Variants in PCP4L1 observed in about 807,000 individuals in gnomAD.
PCP4L1 encodes the protein Purkinje cell protein 4-like protein 1.
PCP4L1 carries 9 observed loss-of-function variants against 9.6 expected under a neutral mutation model. The ratio of observed to expected loss-of-function variants is 0.94; its 90% CI spans 0.57 to 1.64. PCP4L1 has a LOEUF of 1.64. Ranked by LOEUF, PCP4L1 falls within the 40% of genes most tolerant of loss-of-function variation. PCP4L1 has a pLI of 0.00. For synonymous variants in PCP4L1, 31 were observed against 28.2 expected (o/e 1.10, Z -0.31); for missense variants, 81 against 80.8 (o/e 1.00, Z -0.01).
At chr1:161,265,241 A>G (rs754085267) in intron 1 of PCP4L1, among the ~76,000 whole-genome samples, 2 of 152,162 alleles carry the variant, frequency 1.3e-5, no homozygotes, top group African/African-American at 2.4e-5. Flanking sequence ...TTGGGAAGAG[A>G]ATGGTAAGGC....
intron 1 of PCP4L1, among the ~76,000 whole-genome samples, chr1:161,275,515 C>CAAAAAAAAAAAAA (rs11302998): frequency 1.1e-5 from 1 of 91,900 alleles, no homozygotes; most frequent in African/African-American, 4.1e-5. Context: ...GACTCCGTCT[C>CAAAAAAAAAAAAA]AAAAAAAAAA....
At chr1:161,269,405 A>G (rs1453306735) in intron 1 of PCP4L1, among the ~76,000 whole-genome samples, 2 of 152,202 alleles carry the variant, frequency 1.3e-5, no homozygotes, top group Non-Finnish European at 2.9e-5. Context: ...TCCCTTTTCC[A>G]CAACCTCTGA....
chr1:161,265,786 TG>T (rs1435035999), intron 1 of PCP4L1, among the ~76,000 whole-genome samples: 8 of 137,402 alleles, frequency 5.8e-5, no homozygotes, highest in Non-Finnish European at 1.2e-4. Flanking sequence ...TTGCCCAGGC[TG>T]GAGTGCAGTG....
intron 1 of PCP4L1, among the ~76,000 whole-genome samples, chr1:161,267,245 TAAGTA>T (rs1669546287): frequency 6.6e-6 from 1 of 152,250 alleles, no homozygotes; most frequent in Admixed American, 6.5e-5. Flanking sequence ...TCATCCAAAC[TAAGTA>T]TTCTGGCAGT....
chr1:161,269,753 CTT>C (rs1333141669), intron 1 of PCP4L1, among the ~76,000 whole-genome samples: 1 of 152,178 alleles, frequency 6.6e-6, no homozygotes, highest in Non-Finnish European at 1.5e-5. Flanking sequence ...AATCCCAGCA[CTT>C]TGGGAGGCCG....
chr1:161,263,588 CTTTTTTT>C (rs11355401), intron 1 of PCP4L1, among the ~76,000 whole-genome samples: 1 of 141,790 alleles, frequency 7.1e-6, no homozygotes, highest in Non-Finnish European at 1.5e-5. Flanking sequence ...ATTTCAAGTA[CTTTTTTT>C]TTTTTTTTGA....
chr1:161,275,343 C>T (rs1431530011), intron 1 of PCP4L1, among the ~76,000 whole-genome samples: 3 of 151,440 alleles, frequency 2.0e-5, no homozygotes, highest in Non-Finnish European at 4.4e-5. Context: ...GGTGAAACCC[C>T]GTCTCTACTA....
chr1:161,277,070 T>C (rs573182316), intron 1 of PCP4L1, among the ~76,000 whole-genome samples: 1 of 152,234 alleles, frequency 6.6e-6, no homozygotes, highest in South Asian at 2.1e-4. Flanking sequence ...CTGGGCAGCA[T>C]AGTGAGACCC....
At chr1:161,266,672 G>A (rs1213504982) in intron 1 of PCP4L1, among the ~76,000 whole-genome samples, 1 of 152,198 alleles carries the variant, frequency 6.6e-6, no homozygotes, top group African/African-American at 2.4e-5. Flanking sequence ...ATGCATCTGA[G>A]ATATAGGGCA....
intron 1 of PCP4L1, among the ~76,000 whole-genome samples, chr1:161,270,982 C>G (rs1261998475): frequency 6.6e-6 from 1 of 152,036 alleles, no homozygotes; most frequent in Non-Finnish European, 1.5e-5. Context: ...CCTCACCAGT[C>G]ATTAATTCAG....
chr1:161,260,552 G>A (rs759183512), intron 1 of PCP4L1, among the ~76,000 whole-genome samples: 7 of 152,202 alleles, frequency 4.6e-5, no homozygotes, highest in Non-Finnish European at 8.8e-5. Context: ...TGAAGGCTAT[G>A]CCAACGTGAG....
intron 1 of PCP4L1, among the ~76,000 whole-genome samples, chr1:161,262,487 G>A (rs963606083): frequency 3.3e-4 from 50 of 151,124 alleles, no homozygotes; most frequent in African/African-American, 1.1e-3. Flanking sequence ...AAACATCTGC[G>A]TTGGAGTGAG....
At chr1:161,284,048 G>C (rs1669865820) in intron 2 of PCP4L1, among the ~76,000 whole-genome samples, 1 of 152,206 alleles carries the variant, frequency 6.6e-6, no homozygotes, top group Admixed American at 6.5e-5. Flanking sequence ...AGGAAAGTGA[G>C]TGTGCATTGG....
At chr1:161,266,948 C>T (rs1247902488) in intron 1 of PCP4L1, among the ~76,000 whole-genome samples, 1 of 152,076 alleles carries the variant, frequency 6.6e-6, no homozygotes, top group Non-Finnish European at 1.5e-5. Context: ...TTTCATTTAA[C>T]ATTGGAGGAG....
chr1:161,258,762 C>T lies in PCP4L1; in HGVS notation c.-213C>T, dbSNP rs1398350199. The T allele has an allele frequency of 1.1e-5, 8 of 712,082 alleles. No individual in the cohort carries two copies. The highest frequency in any genetic ancestry group is 1.9e-5 in the Non-Finnish European group (8 of 427,952). The allele number at this position is 712,082 out of a possible 1,614,324, so 44.1% of individuals were successfully genotyped here. ...GGCGAGCTGAGCGGCTCTGACAGGA[C>T]GGGTCGCAGGGGGTCGCCTGGCCGG... On this transcript the variant is annotated 5_prime_UTR_variant, in exon 1 of 3. In the 5' UTR this introduces an upstream ATG that the reference lacks. Transcript: ENST00000504449.
At chr1:161,284,085 A>G (rs1026925448) in intron 2 of PCP4L1, among the ~76,000 whole-genome samples, 1 of 152,222 alleles carries the variant, frequency 6.6e-6, no homozygotes, top group African/African-American at 2.4e-5. Context: ...TTTATGAATA[A>G]GTGATGAAAG....
chr1:161,262,473 C>T (rs1466031229), intron 1 of PCP4L1, among the ~76,000 whole-genome samples: 1 of 150,840 alleles, frequency 6.6e-6, no homozygotes, highest in Non-Finnish European at 1.5e-5. Flanking sequence ...CCTTCTACCT[C>T]TGGAAACATC....
At chr1:161,274,266 A>T (rs1264805528) in intron 1 of PCP4L1, among the ~76,000 whole-genome samples, 1 of 152,108 alleles carries the variant, frequency 6.6e-6, no homozygotes, top group Non-Finnish European at 1.5e-5. Context: ...GATTTCCTAA[A>T]CCATGTCATT....
intron 1 of PCP4L1, among the ~76,000 whole-genome samples, chr1:161,272,356 G>A (rs1329931240): frequency 1.3e-5 from 2 of 151,594 alleles, no homozygotes; most frequent in Admixed American, 6.6e-5. Context: ...TCAGGAGTTC[G>A]AGACAAGCCT....
Sources: gnomAD v4.1 joint callset for allele counts (sites outside exome capture counted in the v4.1 genomes callset) on GRCh38, gnomAD v4.1.1 for gene constraint, MANE v1.5 for transcripts, NCBI Gene and HGNC (gene_info 2026-07-23, HGNC 2026-07-21) for gene names.